Variants in PARD6G observed in about 807,000 individuals in gnomAD.
PARD6G encodes the protein partitioning defective 6 homolog gamma.
In PARD6G, 7 loss-of-function variants were observed where a neutral mutation model predicts 10.7. The observed-to-expected ratio is 0.66, with a 90% CI of 0.37 to 1.23. The LOEUF is 1.23. Among genes scored for constraint, PARD6G ranks in the 50% most tolerant of loss-of-function variants. The pLI is 0.02. For missense variants in PARD6G, 548 were observed against 571.8 expected (o/e 0.96, Z 0.42); for synonymous variants, 287 against 269.4 (o/e 1.07, Z -0.64).
intron 1 of PARD6G, chr18:80,203,139 G>A (rs778498687): frequency 9.5e-5 from 49 of 514,924 alleles, no homozygotes; most frequent in Non-Finnish European, 1.4e-4. Context: ...CTTTTAATAC[G>A]ATTTCTCTTC....
intron 1 of PARD6G, among the ~76,000 whole-genome samples, chr18:80,229,898 T>A (rs565443601): frequency 6.6e-6 from 1 of 152,282 alleles, no homozygotes; most frequent in East Asian, 1.9e-4. Flanking sequence ...CAGGACTGTG[T>A]GTGTCTGAGA....
At chr18:80,197,443 T>C (rs114607659) in intron 2 of PARD6G, 153 of 152,310 alleles carry the variant, frequency 1.0e-3, no homozygotes, top group African/African-American at 3.6e-3. Context: ...GTTCTCCTCA[T>C]TCTAGGAACC....
At chr18:80,207,772 GACC>G (rs1449335501) in intron 1 of PARD6G, among the ~76,000 whole-genome samples, 1 of 152,066 alleles carries the variant, frequency 6.6e-6, no homozygotes, top group Non-Finnish European at 1.5e-5. Flanking sequence ...AGAGCCCCAG[GACC>G]ACAAGAGAAA....
chr18:80,160,301 C>T lies in PARD6G; in HGVS notation c.601G>A (p.Gly201Arg), dbSNP rs1481351470. The change falls in exon 3 of 3, where the codon GGG becomes AGG. Residue 201 changes from glycine to arginine, a missense_variant. Gly to Arg is a moderately radical substitution (Grantham distance 125). Around this residue, in one of 2 missense-constraint regions of PARD6G, gnomAD observed 313 missense variants for 279.9 expected, o/e 1.12. Transcript: ENST00000353265. Reference protein sequence around the residue: ...PGIFISRMVPGGLAESTGLLA... With the variant: ...PGIFISRMVPRGLAESTGLLA... ...AGCCCGGTGCTCTCCGCCAGGCCCCCGGGTACCATGCGCGAGATGAAGATG... is the reference window on the plus strand; with the variant it reads ...AGCCCGGTGCTCTCCGCCAGGCCCCTGGGTACCATGCGCGAGATGAAGATG... The T allele has an allele frequency of 1.2e-6, 2 of 1,612,180 alleles. No homozygotes were observed. Among genetic ancestry groups the T allele is most frequent in the African/African-American group, 1.3e-5 (1 of 74,928 alleles).
chr18:80,240,256 T>G (rs1421773169), intron 1 of PARD6G, among the ~76,000 whole-genome samples: 1 of 152,276 alleles, frequency 6.6e-6, no homozygotes, highest in Non-Finnish European at 1.5e-5. Context: ...CTTATGACAC[T>G]GCAAAATATA....
chr18:80,159,916 G>T lies in PARD6G; in HGVS notation c.986C>A (p.Ala329Glu). The change falls in exon 3 of 3, where the codon GCG becomes GAG. Residue 329 changes from alanine (A) to glutamate (E), a missense_variant. Ala to Glu is a moderately radical substitution (Grantham distance 107). Coordinates refer to ENST00000353265, the MANE Select transcript of PARD6G (RefSeq NM_032510.4). Reference sequence around the variant, plus strand: ...CCGCTGCAGCCGCTGCGCCAGGCCCGCGCCATTGACCCGGGAGAGGCTGCC... The same window carrying T: ...CCGCTGCAGCCGCTGCGCCAGGCCCTCGCCATTGACCCGGGAGAGGCTGCC... ...PAGSLSRVNG[A>E]GLAQRLQRDL... 1 of 1,512,396 alleles carries T rather than the reference G, an allele frequency of 6.6e-7. No individual in the cohort carries two copies. The highest frequency in any genetic ancestry group is 8.8e-7 in the Non-Finnish European group (1 of 1,137,400). 93.7% of individuals were successfully genotyped at this position (1,512,396 alleles called of 1,614,324 possible).
At chr18:80,224,375 C>T (rs946802672) in intron 1 of PARD6G, among the ~76,000 whole-genome samples, 1 of 152,074 alleles carries the variant, frequency 6.6e-6, no homozygotes, top group Admixed American at 6.5e-5. Context: ...AACAAAAATC[C>T]AAAATCCTTT....
intron 2 of PARD6G, among the ~76,000 whole-genome samples, chr18:80,172,541 C>T (rs1047131647): frequency 3.9e-5 from 6 of 152,064 alleles, no homozygotes; most frequent in African/African-American, 1.2e-4. Flanking sequence ...TGCCCACTAC[C>T]GTGCCTGGCT....
At position 80,189,684 on chromosome 18, in the gene PARD6G, G is replaced by A. The variant is rs1188636326; in HGVS notation, c.295+13026C>T. Reference sequence around the variant, plus strand: ...ACCCTCTGGACAAAAACAGCTTCAAGCACGTCCCCTGGGAGTCCCCCGTCC... The same window carrying A: ...ACCCTCTGGACAAAAACAGCTTCAAACACGTCCCCTGGGAGTCCCCCGTCC... On this transcript the variant is annotated intron_variant, in intron 2 of 2. Transcript: ENST00000353265. The surrounding 1 kb of genome is among the most constrained non-coding windows in gnomAD (Gnocchi z 5.5). 6.6e-6 allele frequency among the ~76,000 whole-genome samples: 1 copy of A among 152,076 alleles called. No individual in the cohort carries two copies. The highest frequency in any genetic ancestry group is 1.5e-5 in the Non-Finnish European group (1 of 68,006).
intron 1 of PARD6G, 141 bp from the exon 2 acceptor site, chr18:80,203,073 C>T: frequency 1.7e-6 from 1 of 605,458 alleles, no homozygotes; most frequent in Non-Finnish European, 3.0e-6. Flanking sequence ...CTGATAGACA[C>T]ATAAGTTGAT....
At chr18:80,219,708 A>G (rs1156873217) in intron 1 of PARD6G, among the ~76,000 whole-genome samples, 1 of 152,170 alleles carries the variant, frequency 6.6e-6, no homozygotes, top group African/African-American at 2.4e-5. Context: ...CCTTTACTCC[A>G]GTTCCCAACA....
In PARD6G at chr18:80,188,068, A is replaced by C. The variant is rs1355623099; in HGVS notation, c.295+14642T>G. On this transcript the variant is annotated intron_variant, in intron 2 of 2. Transcript: ENST00000353265. The surrounding 1 kb of genome is among the most constrained non-coding windows in gnomAD (Gnocchi z 5.4). ...CGCTAAGTGGTGCGCGACCGTGCCC[A>C]ACGGGAGGTGTTACGTGGCGCGCGA... 6.6e-6 allele frequency: 1 copy of C among 152,194 alleles called. No individual in the cohort carries two copies. The highest frequency in any genetic ancestry group is 1.5e-5 in the Non-Finnish European group (1 of 68,026). 9.4% of individuals were successfully genotyped at this position (152,194 alleles called of 1,614,324 possible).
intron 2 of PARD6G, among the ~76,000 whole-genome samples, chr18:80,177,079 C>T (rs990408865): frequency 2.9e-5 from 4 of 139,132 alleles, no homozygotes; most frequent in East Asian, 2.2e-4. Context: ...AAATGGAAAG[C>T]GCGCACACAC....
chr18:80,242,132 G>A (rs1294790654), intron 1 of PARD6G, among the ~76,000 whole-genome samples: 1 of 152,184 alleles, frequency 6.6e-6, no homozygotes, highest in African/African-American at 2.4e-5. Flanking sequence ...GCCTCCAGGG[G>A]CAGTGACGCC....
In PARD6G at chr18:80,181,754, T is replaced by A. The variant is rs1424797501; in HGVS notation, c.295+20956A>T. On this transcript the variant is annotated intron_variant, in intron 2 of 2. Coordinates refer to ENST00000353265, the MANE Select transcript of PARD6G (RefSeq NM_032510.4). This position sits in a 1 kb window ranked among gnomAD's most constrained non-coding sequence, Gnocchi z 7.9. ...TGCTTTCAGCTCCTGGCCTTCCTGA[T>A]GGGCATCGGCTCCCCATTCCTCGCG... Among the ~76,000 whole-genome samples the A allele has an allele frequency of 6.6e-6, 1 of 152,068 alleles. No individual in the cohort carries two copies. The highest frequency in any genetic ancestry group is 1.5e-5 in the Non-Finnish European group (1 of 68,016).
intron 2 of PARD6G, among the ~76,000 whole-genome samples, chr18:80,177,220 A>G (rs9958136): frequency 9.3e-4 from 125 of 134,028 alleles, no homozygotes; most frequent in Non-Finnish European, 1.4e-3. Context: ...TGGGAAGCGC[A>G]CACACACACA....
At position 80,184,021 on chromosome 18, in the gene PARD6G, G is replaced by T. The variant is rs1173901179; in HGVS notation, c.295+18689C>A. 6.6e-6 allele frequency: 1 copy of T among 152,130 alleles called. No homozygotes were observed. The highest frequency in any genetic ancestry group is 6.5e-5 in the Admixed American group (1 of 15,276). The allele number at this position is 152,130 out of a possible 1,614,324, so 9.4% of individuals were successfully genotyped here. On this transcript the variant is annotated intron_variant, in intron 2 of 2. Coordinates refer to ENST00000353265, the MANE Select transcript of PARD6G (RefSeq NM_032510.4). This position sits in a 1 kb window ranked among gnomAD's most constrained non-coding sequence, Gnocchi z 4.5. ...TATATGTTAGCGGTCAAAGAACTCT[G>T]TTTTTCTTGGTCCAAACCAGAGGAA... is the stretch of plus-strand genomic sequence containing the variant.
At chr18:80,205,404 C>A (rs1204056836) in intron 1 of PARD6G, among the ~76,000 whole-genome samples, 1 of 152,212 alleles carries the variant, frequency 6.6e-6, no homozygotes, top group Admixed American at 6.5e-5. Context: ...TATATACTCA[C>A]ACGGTTTGCA....
chr18:80,176,996 C>T (rs371234879), intron 2 of PARD6G, among the ~76,000 whole-genome samples: 2 of 143,732 alleles, frequency 1.4e-5, no homozygotes, highest in Admixed American at 1.4e-4. Context: ...AAATCACAGC[C>T]CAAAAGAGAA....
Sources: allele counts gnomAD v4.1 joint callset (sites outside exome capture counted in the v4.1 genomes callset), GRCh38; gene constraint gnomAD v4.1.1; regional missense constraint gnomAD v4.1.1; non-coding constraint Gnocchi (gnomAD v3.1); transcripts MANE v1.5; gene names NCBI Gene and HGNC (gene_info 2026-07-23, HGNC 2026-07-21).